Variants in ENTREP1 observed in about 807,000 individuals in gnomAD.
ENTREP1 encodes endosomal transmembrane epsin interactor 1, also known as Friedreich ataxia region gene X123.
chr9:69,335,614 C>G, the ENTREP1 span, among the ~76,000 whole-genome samples: 1 of 152,058 alleles, frequency 6.6e-6, no homozygotes, highest in Non-Finnish European at 1.5e-5. Context: ...TTTCCCATTT[C>G]GAAGACTTTA....
At chr9:69,331,435 T>C in the ENTREP1 span, among the ~76,000 whole-genome samples, 1 of 152,192 alleles carries the variant, frequency 6.6e-6, no homozygotes, top group Non-Finnish European at 1.5e-5. Context: ...GAGCCCTTCT[T>C]TGCAGTCTCA....
chr9:69,329,780 TA>T, the ENTREP1 span: 1 of 909,572 alleles, frequency 1.1e-6, no homozygotes, highest in Non-Finnish European at 1.3e-6. Context: ...CGTTTAGTGT[TA>T]ACTAGATTCC....
the ENTREP1 span, among the ~76,000 whole-genome samples, chr9:69,370,424 C>T: frequency 4.6e-5 from 7 of 152,266 alleles, no homozygotes; most frequent in East Asian, 1.3e-3. Flanking sequence ...ATTCTATATG[C>T]TGCCCAAGTC....
At chr9:69,379,331 C>G in the ENTREP1 span, among the ~76,000 whole-genome samples, 1 of 152,172 alleles carries the variant, frequency 6.6e-6, no homozygotes, top group Non-Finnish European at 1.5e-5. Flanking sequence ...TACCTGAACC[C>G]TACGTCTATA....
At chr9:69,352,363 C>T in the ENTREP1 span, among the ~76,000 whole-genome samples, 1 of 152,162 alleles carries the variant, frequency 6.6e-6, no homozygotes, top group African/African-American at 2.4e-5. Flanking sequence ...AGGTGATCCA[C>T]CCACCTCAGC....
chr9:69,350,844 C>T, the ENTREP1 span, among the ~76,000 whole-genome samples: 2 of 152,118 alleles, frequency 1.3e-5, no homozygotes, highest in Admixed American at 6.5e-5. Flanking sequence ...ATTCTTGTTC[C>T]TTTCTAGAAA....
chr9:69,382,900 C>G, the ENTREP1 span: 1 of 353,798 alleles, frequency 2.8e-6, no homozygotes, highest in Non-Finnish European at 4.0e-6. Flanking sequence ...CTTTGATACT[C>G]CATAGCAGAA....
the ENTREP1 span, among the ~76,000 whole-genome samples, chr9:69,336,537 T>A: frequency 1.2e-4 from 19 of 152,246 alleles, no homozygotes; most frequent in African/African-American, 4.1e-4. Context: ...GATAGAATTT[T>A]AAAAAAACTA....
chr9:69,324,747 C>T, the ENTREP1 span: 2 of 985,574 alleles, frequency 2.0e-6, no homozygotes, highest in Non-Finnish European at 2.4e-6. Flanking sequence ...CAGGCATCCC[C>T]CTCCTTGGGC....
At chr9:69,374,228 A>T in the ENTREP1 span, among the ~76,000 whole-genome samples, 24 of 152,266 alleles carry the variant, frequency 1.6e-4, no homozygotes, top group African/African-American at 5.5e-4. Context: ...TTCATTTTAT[A>T]AAAATACCAG....
At chr9:69,366,020 T>C in the ENTREP1 span, among the ~76,000 whole-genome samples, 1 of 152,158 alleles carries the variant, frequency 6.6e-6, no homozygotes, top group African/African-American at 2.4e-5. Flanking sequence ...GATATACTGA[T>C]TTCTTTTCTT....
the ENTREP1 span, among the ~76,000 whole-genome samples, chr9:69,349,184 CAAAAAAAAAA>C: frequency 2.3e-5 from 2 of 85,288 alleles, no homozygotes; most frequent in Non-Finnish European, 2.3e-5. Flanking sequence ...AACTCCATCT[CAAAAAAAAAA>C]AAAAAAAAAA....
chr9:69,374,335 G>T, the ENTREP1 span, among the ~76,000 whole-genome samples: 1 of 152,038 alleles, frequency 6.6e-6, no homozygotes, highest in Non-Finnish European at 1.5e-5. Flanking sequence ...TTATTGTTTT[G>T]GGGAGGCAGT....
At chr9:69,344,619 C>T in the ENTREP1 span, among the ~76,000 whole-genome samples, 7 of 152,138 alleles carry the variant, frequency 4.6e-5, no homozygotes, top group Non-Finnish European at 8.8e-5. Context: ...TCTGAGGCCA[C>T]GTGCTTATGT....
chr9:69,329,665 G>A, the ENTREP1 span: 1 of 985,392 alleles, frequency 1.0e-6, no homozygotes, highest in Non-Finnish European at 1.2e-6. Flanking sequence ...TAAGAGATGA[G>A]CCATCTTGAA....
the ENTREP1 span, among the ~76,000 whole-genome samples, chr9:69,348,532 A>G: frequency 2.0e-5 from 3 of 152,330 alleles, no homozygotes; most frequent in African/African-American, 7.2e-5. Flanking sequence ...AAACTTCACT[A>G]CTATCAATTA....
the ENTREP1 span, chr9:69,382,073 T>A: frequency 1.3e-5 from 2 of 152,336 alleles, no homozygotes; most frequent in Admixed American, 1.3e-4. Flanking sequence ...ATGTCATTTG[T>A]TGGAGAGAAA....
chr9:69,388,270 G>C, the ENTREP1 span: 1 of 1,614,192 alleles, frequency 6.2e-7, no homozygotes, highest in Non-Finnish European at 8.5e-7. Context: ...GCAGACCGCG[G>C]TCTTTGATAG....
chr9:69,386,024 T>C, the ENTREP1 span: 1 of 1,444,756 alleles, frequency 6.9e-7, no homozygotes, highest in African/African-American at 1.4e-5. Context: ...CAGGTGGCTC[T>C]GGCCAGCTCA....
Sources: gnomAD v4.1 joint callset for allele counts (sites outside exome capture counted in the v4.1 genomes callset) on GRCh38, gnomAD v4.1.1 for gene constraint, MANE v1.5 for transcripts, NCBI Gene and HGNC (gene_info 2026-07-23, HGNC 2026-07-21) for gene names.